The following UTRN variants were observed in gnomAD, a reference collection of about 807,000 sequenced individuals.
The protein encoded by UTRN is utrophin, also known as dystrophin-related protein 1.
UTRN carries 283 observed loss-of-function variants against 463.9 expected under a neutral mutation model. The ratio of observed to expected loss-of-function variants is 0.61; its 90% CI spans 0.55 to 0.67. The LOEUF (loss-of-function observed/expected upper bound fraction) is 0.67. Among genes scored for constraint, UTRN ranks in the 30% least tolerant of loss-of-function variants. The probability of loss-of-function intolerance (pLI) is 0.00; values close to 1 mark genes in which losing one functional copy is unlikely to be tolerated. For synonymous variants in UTRN, 1,442 were observed against 1,431.5 expected (o/e 1.01, Z -0.17); for missense variants, 3,922 against 4,084.3 (o/e 0.96, Z 1.08).
At chr6:144,675,010 T>C (rs1781446362) in intron 51 of UTRN, among the ~76,000 whole-genome samples, 1 of 152,260 alleles carries the variant, frequency 6.6e-6, no homozygotes, top group Non-Finnish European at 1.5e-5. Flanking sequence ...TGTGATCTTT[T>C]GAGTGTGTTA....
At position 144,368,817 on chromosome 6, in the gene UTRN, T is replaced by A. The variant is rs188732809; in HGVS notation, c.80-34306T>A. ...GAATAAATGATAAGGTTTTTTAAAG[T>A]TAGGGTCCGTTTAGTGGCAGTTTGG... is the stretch of plus-strand genomic sequence containing the variant. On this transcript the variant is annotated intron_variant, in intron 2 of 74. Coordinates refer to ENST00000367545, the MANE Select transcript of UTRN (RefSeq NM_007124.3). Among the ~76,000 whole-genome samples, 27 of 152,226 alleles carry A rather than the reference T, an allele frequency of 1.8e-4. 2 individuals carry two copies. Among genetic ancestry groups the A allele is most frequent in the African/African-American group, 6.5e-4 (27 of 41,550 alleles).
chr6:144,694,485 T>G (rs544186792), intron 52 of UTRN, among the ~76,000 whole-genome samples: 2 of 152,130 alleles, frequency 1.3e-5, no homozygotes, highest in Non-Finnish European at 2.9e-5. Context: ...TCTTTGTACA[T>G]CTGGTAGAAT....
In UTRN at chr6:144,723,102, A is replaced by G. The variant is rs567190816; in HGVS notation, c.7810-7255A>G. 3.9e-5 allele frequency among the ~76,000 whole-genome samples: 6 copies of G among 152,352 alleles called. No individual in the cohort carries two copies. The South Asian group carries it at 1.2e-3, about 32-fold the overall frequency. On this transcript the variant is annotated intron_variant, in intron 53 of 74. Transcript: ENST00000367545. Reference sequence around the variant, plus strand: ...GGGTGAGAATGTCACAAAATGAGGAAGACAGAGTGAATCCATACCATCCAT... The same window carrying G: ...GGGTGAGAATGTCACAAAATGAGGAGGACAGAGTGAATCCATACCATCCAT...
At chr6:144,568,530 A>G (rs1800635467) in intron 50 of UTRN, among the ~76,000 whole-genome samples, 1 of 152,180 alleles carries the variant, frequency 6.6e-6, no homozygotes, top group Admixed American at 6.5e-5. Context: ...TGAAATCTAC[A>G]TTGAGAATCA....
At chr6:144,561,207 A>T (rs868706062) in intron 50 of UTRN, among the ~76,000 whole-genome samples, 202 of 2,490 alleles carry the variant, frequency 0.081, 2 homozygotes, top group African/African-American at 0.18. Context: ...AAATAACATT[A>T]TATATATATA....
chr6:144,661,241 A>G (rs1376536036), intron 51 of UTRN, among the ~76,000 whole-genome samples: 2 of 152,222 alleles, frequency 1.3e-5, no homozygotes, highest in Non-Finnish European at 2.9e-5. Context: ...ACAAACCACA[A>G]TTGCCAGAGG....
At chr6:144,559,020 G>A (rs959111932) in intron 50 of UTRN, among the ~76,000 whole-genome samples, 2 of 151,896 alleles carry the variant, frequency 1.3e-5, no homozygotes, top group Admixed American at 6.6e-5. Flanking sequence ...ATAAGAGTTA[G>A]GACTTTGTTT....
intron 2 of UTRN, among the ~76,000 whole-genome samples, chr6:144,347,921 G>A (rs185391942): frequency 6.8e-6 from 1 of 147,272 alleles, no homozygotes; most frequent in East Asian, 2.0e-4. Context: ...TTAGCTCACT[G>A]TAGCCTTGAC....
intron 34 of UTRN, among the ~76,000 whole-genome samples, chr6:144,502,444 G>A (rs939054017): frequency 9.9e-5 from 15 of 151,638 alleles, no homozygotes; most frequent in Admixed American, 3.9e-4. Context: ...AGTGTGTGAT[G>A]TTACCCTCCC....
chr6:144,690,140 A>G (rs1018317325), intron 52 of UTRN, among the ~76,000 whole-genome samples: 4 of 97,498 alleles, frequency 4.1e-5, no homozygotes, highest in Admixed American at 1.7e-4. Context: ...TTAAGCTACC[A>G]GGAGGAGTGA....
intron 58 of UTRN, among the ~76,000 whole-genome samples, chr6:144,770,507 AG>A (rs1183050594): frequency 6.6e-6 from 1 of 152,196 alleles, no homozygotes; most frequent in Non-Finnish European, 1.5e-5. Context: ...TCATTTAAGA[AG>A]TCTTTGGAGC....
chr6:144,819,031 C>T (rs963378021), intron 65 of UTRN, among the ~76,000 whole-genome samples: 2 of 151,844 alleles, frequency 1.3e-5, no homozygotes, highest in Non-Finnish European at 2.9e-5. Flanking sequence ...TGCACTTTTG[C>T]TTTGCATTTG....
chr6:144,450,374 C>T (rs1322582333), intron 17 of UTRN, among the ~76,000 whole-genome samples: 4 of 152,150 alleles, frequency 2.6e-5, no homozygotes, highest in Admixed American at 6.5e-5. Flanking sequence ...ATTCCAGACA[C>T]GCCTAACTAA....
rs1795653255 is a variant in UTRN, at chr6:144,516,810, G to A, written c.5404-1G>A. ...TTTTTTTTTTCCTTTTAAAAATTTAGATGGATGAGGAGAGTGCCCAGATTG... is the reference window on the plus strand; with the variant it reads ...TTTTTTTTTTCCTTTTAAAAATTTAAATGGATGAGGAGAGTGCCCAGATTG... On this transcript the variant is annotated splice_acceptor_variant, in intron 38 of 74. Coordinates refer to ENST00000367545, the MANE Select transcript of UTRN (RefSeq NM_007124.3). LOFTEE classifies it high-confidence loss of function. The A allele has an allele frequency of 2.8e-6, 4 of 1,436,140 alleles. No homozygotes were observed. The highest frequency in any genetic ancestry group is 3.6e-6 in the Non-Finnish European group (4 of 1,096,448). 89.0% of individuals were successfully genotyped at this position (1,436,140 alleles called of 1,614,324 possible).
intron 2 of UTRN, among the ~76,000 whole-genome samples, chr6:144,297,049 T>C (rs1419211751): frequency 1.3e-5 from 2 of 152,140 alleles, no homozygotes; most frequent in African/African-American, 4.8e-5. Flanking sequence ...CTTTTTCTCT[T>C]TTCTTCTGAC....
chr6:144,388,469 T>C (rs1406243872), intron 2 of UTRN, among the ~76,000 whole-genome samples: 2 of 145,872 alleles, frequency 1.4e-5, no homozygotes, highest in African/African-American at 5.2e-5. Flanking sequence ...TGGACCATTC[T>C]GCCTGGCTAA....
At chr6:144,330,987 C>A (rs1776293331) in intron 2 of UTRN, 1 of 985,348 alleles carries the variant, frequency 1.0e-6, no homozygotes, top group Admixed American at 6.1e-5. Context: ...GATCTGAATC[C>A]ACAAACGGAG....
At chr6:144,543,173 A>G (rs1798124714) in intron 46 of UTRN, among the ~76,000 whole-genome samples, 1 of 152,130 alleles carries the variant, frequency 6.6e-6, no homozygotes. Flanking sequence ...AAAACTGGGG[A>G]CTAGTTTTCT....
intron 2 of UTRN, among the ~76,000 whole-genome samples, chr6:144,316,282 C>A (rs1435170032): frequency 1.3e-5 from 2 of 152,138 alleles, no homozygotes; most frequent in Non-Finnish European, 2.9e-5. Flanking sequence ...TCTTACTGAC[C>A]CCATAGCTCT....
Sources: allele counts gnomAD v4.1 joint callset (sites outside exome capture counted in the v4.1 genomes callset), GRCh38; gene constraint gnomAD v4.1.1; transcripts MANE v1.5; gene names NCBI Gene and HGNC (gene_info 2026-07-23, HGNC 2026-07-21).